Variants in ADORA1 observed in about 807,000 individuals in gnomAD.
ADORA1 encodes adenosine A1 receptor.
Under a neutral mutation model 19.9 loss-of-function variants are expected in ADORA1, and 6 were observed. The observed-to-expected ratio is 0.30, with a 90% CI of 0.17 to 0.59. The LOEUF is 0.59. Among genes scored for constraint, ADORA1 ranks in the 20% least tolerant of loss-of-function variants. ADORA1 has a pLI of 0.87. For synonymous variants in ADORA1, 194 were observed against 188.4 expected (o/e 1.03, Z -0.24); for missense variants, 302 against 439.2 (o/e 0.69, Z 2.79).
chr1:203,164,149 G>A (rs191669180), intron 3 of ADORA1, among the ~76,000 whole-genome samples: 66 of 152,330 alleles, frequency 4.3e-4, no homozygotes, highest in African/African-American at 1.5e-3. Flanking sequence ...TGTGGCTCAC[G>A]AGCAGCCTCG....
intron 3 of ADORA1, among the ~76,000 whole-genome samples, chr1:203,134,537 A>C (rs573573838): frequency 6.6e-6 from 1 of 152,294 alleles, no homozygotes; most frequent in African/African-American, 2.4e-5. Context: ...GGCTTCCCGG[A>C]AGTTTCTGAG....
intron 3 of ADORA1, among the ~76,000 whole-genome samples, chr1:203,151,731 T>C (rs1328040416): frequency 1.3e-5 from 2 of 152,216 alleles, no homozygotes; most frequent in Non-Finnish European, 2.9e-5. Context: ...AAGCTGTTAA[T>C]GGTGGAGTCA....
intron 3 of ADORA1, among the ~76,000 whole-genome samples, chr1:203,164,485 T>C (rs186052681): frequency 1.8e-4 from 27 of 152,312 alleles, no homozygotes; most frequent in Non-Finnish European, 2.8e-4. Flanking sequence ...AGATGCTCAG[T>C]GAATATCAGT....
intron 3 of ADORA1, chr1:203,150,696 A>G: frequency 7.8e-7 from 1 of 1,289,844 alleles, no homozygotes; most frequent in Non-Finnish European, 1.0e-6. Flanking sequence ...GACTCTGGGA[A>G]GGACTTTCTA....
intron 3 of ADORA1, among the ~76,000 whole-genome samples, chr1:203,161,228 T>G (rs1253540114): frequency 6.6e-6 from 1 of 152,220 alleles, no homozygotes; most frequent in Non-Finnish European, 1.5e-5. Context: ...GGGGACTCAG[T>G]CTTTTCATGT....
chr1:203,144,452 CT>C (rs1654798875), intron 3 of ADORA1, among the ~76,000 whole-genome samples: 1 of 152,138 alleles, frequency 6.6e-6, no homozygotes, highest in Non-Finnish European at 1.5e-5. Flanking sequence ...TGCTGAAATC[CT>C]TGTGCAATTT....
rs1654216699 is a variant in ADORA1 at position 203,128,308 on chromosome 1, G to T, written c.-182G>T. On this transcript the variant is annotated 5_prime_UTR_variant, in exon 2 of 4. Transcript: ENST00000337894. The surrounding 1 kb of genome is among the most constrained non-coding windows in gnomAD (Gnocchi z 5.9). The stretch of plus-strand genomic sequence containing the variant: ...GCTGGGAGCGCTGCGGCGGGAGCCG[G>T]AGGACTATGAGCTGCCGCGCGTTGT... 7.8e-7 allele frequency: 1 copy of T among 1,281,280 alleles called. No homozygotes were observed. Among genetic ancestry groups the T allele is most frequent in the African/African-American group, 1.5e-5 (1 of 65,624 alleles). The allele number at this position is 1,281,280 out of a possible 1,614,324, so 79.4% of individuals were successfully genotyped here.
intron 3 of ADORA1, chr1:203,164,959 T>A (rs1571814622): frequency 1.4e-6 from 2 of 1,417,008 alleles, no homozygotes. Flanking sequence ...ATGGGAGCAA[T>A]TTTTACTGTG....
chr1:203,135,280 T>G (rs1654469310), intron 3 of ADORA1, among the ~76,000 whole-genome samples: 1 of 152,260 alleles, frequency 6.6e-6, no homozygotes. Context: ...TATCACTGGC[T>G]ACTTCAATTG....
chr1:203,155,415 C>T (rs1179797249), intron 3 of ADORA1, among the ~76,000 whole-genome samples: 4 of 152,150 alleles, frequency 2.6e-5, no homozygotes, highest in Non-Finnish European at 4.4e-5. Context: ...CCAATGGCAT[C>T]CAGAAGGAGT....
intron 3 of ADORA1, among the ~76,000 whole-genome samples, chr1:203,138,811 A>G (rs1051219632): frequency 6.6e-6 from 1 of 151,886 alleles, no homozygotes; most frequent in African/African-American, 2.4e-5. Flanking sequence ...TTACTCTGGG[A>G]TTTTATTTAT....
At chr1:203,164,768 T>C (rs769376433) in intron 3 of ADORA1, among the ~76,000 whole-genome samples, 1 of 152,160 alleles carries the variant, frequency 6.6e-6, no homozygotes, top group Non-Finnish European at 1.5e-5. Context: ...GTAGACGTGT[T>C]TTAGGAAGCA....
At chr1:203,129,468 G>A (rs528452725) in intron 3 of ADORA1, among the ~76,000 whole-genome samples, 67 of 152,324 alleles carry the variant, frequency 4.4e-4, no homozygotes, top group Middle Eastern at 3.4e-3. Flanking sequence ...CAGGCCTGGG[G>A]TGGAGGTGGG....
In ADORA1 at chr1:203,128,859, A is replaced by G. The variant is rs1302725724; in HGVS notation, c.18A>G (p.Ser6=). The G allele has an allele frequency of 2.5e-6, 4 of 1,602,852 alleles. No individual in the cohort carries two copies. Among genetic ancestry groups the G allele is most frequent in the Admixed American group, 3.3e-5 (2 of 59,776 alleles). MPPSI[S]AFQAAYIGIE... ...TGCCCGCCATGCCGCCCTCCATCTC[A>G]GCTTTCCAGGCCGCCTACATCGGCA... The change falls in exon 3 of 4, where the codon TCA becomes TCG. Residue 6 remains serine, a synonymous_variant. Transcript: ENST00000337894. This position sits in a 1 kb window ranked among gnomAD's most constrained non-coding sequence, Gnocchi z 5.9.
intron 3 of ADORA1, chr1:203,150,754 C>T: frequency 3.1e-6 from 4 of 1,289,768 alleles, no homozygotes; most frequent in Non-Finnish European, 4.0e-6. Flanking sequence ...TGGGGGTGGA[C>T]TCTTTCTTTG....
chr1:203,154,109 A>G (rs940193991), intron 3 of ADORA1, among the ~76,000 whole-genome samples: 3 of 152,164 alleles, frequency 2.0e-5, no homozygotes, highest in Non-Finnish European at 4.4e-5. Context: ...GCAGGTGATG[A>G]GAAACAGGGA....
At chr1:203,136,421 G>T (rs1411247223) in intron 3 of ADORA1, among the ~76,000 whole-genome samples, 4 of 152,186 alleles carry the variant, frequency 2.6e-5, no homozygotes, top group African/African-American at 7.2e-5. Flanking sequence ...CAGCAGAACT[G>T]CAGAGAGGTG....
chr1:203,138,875 G>A (rs1230052014), intron 3 of ADORA1, among the ~76,000 whole-genome samples: 1 of 152,158 alleles, frequency 6.6e-6, no homozygotes, highest in Non-Finnish European at 1.5e-5. Flanking sequence ...CTGGAGTGTA[G>A]TGGCATGATC....
In ADORA1 at chr1:203,128,466, G is replaced by T; in HGVS notation, c.-58+34G>T. 2.3e-6 allele frequency: 3 copies of T among 1,277,428 alleles called. No homozygotes were observed. The highest frequency in any genetic ancestry group is 3.1e-6 in the Non-Finnish European group (3 of 977,210). 79.1% of individuals were successfully genotyped at this position (1,277,428 alleles called of 1,614,324 possible). On this transcript the variant is annotated intron_variant, in intron 2 of 3. Transcript: ENST00000337894. The surrounding 1 kb of genome is among the most constrained non-coding windows in gnomAD (Gnocchi z 5.9). ...CCTGCATCCTGTTCTGTGCACAGGGGTGGGCAGAGCCAGTCATGGGAGACC... is the reference window on the plus strand; with the variant it reads ...CCTGCATCCTGTTCTGTGCACAGGGTTGGGCAGAGCCAGTCATGGGAGACC...
Sources: allele counts gnomAD v4.1 joint callset (sites outside exome capture counted in the v4.1 genomes callset), GRCh38; gene constraint gnomAD v4.1.1; non-coding constraint Gnocchi (gnomAD v3.1); transcripts MANE v1.5; gene names NCBI Gene and HGNC (gene_info 2026-07-23, HGNC 2026-07-21).